The following LMAN1L variants were observed in gnomAD, a reference collection of about 807,000 sequenced individuals.
The protein encoded by LMAN1L is lectin, mannose binding 1 like.
A neutral mutation model predicts 58.3 loss-of-function variants in LMAN1L; 60 were observed. That is an observed-to-expected ratio of 1.03 (90% CI 0.84 to 1.27). The LOEUF (loss-of-function observed/expected upper bound fraction) is 1.27. Ranked by LOEUF, LMAN1L falls within the 50% of genes most tolerant of loss-of-function variation. The pLI, the probability that LMAN1L is intolerant of heterozygous loss-of-function variation, is 0.00. For missense variants in LMAN1L, 629 were observed against 674.0 expected, an observed-to-expected ratio of 0.93 and a Z score of 0.74; for synonymous variants, 280 against 271.6, an observed-to-expected ratio of 1.03 and a Z score of -0.31.
rs199936512 is a variant in LMAN1L at position 74,822,702 on chromosome 15, G to A, written c.1192G>A (p.Glu398Lys). The A allele has an allele frequency of 5.0e-6, 8 of 1,613,686 alleles. No individual in the cohort carries two copies. The highest frequency in any genetic ancestry group is 4.5e-5 in the East Asian group (2 of 44,898). The change falls in exon 11 of 14, where the codon GAG becomes AAG. Residue 398 changes from glutamate to lysine, a missense_variant. Glu to Lys is a moderately conservative substitution (Grantham distance 56). Transcript: ENST00000309664. ...GTGGACTCTGCTCCAGGCCCTGCAA[G>A]AGATGAGGTAAGGGACTGGGTGGGG... is the stretch of plus-strand genomic sequence containing the variant. ...GQWTLLQALQ[E>K]MRDAAVRMAA... is the part of the protein sequence containing the mutation.
At chr15:74,813,216 C>G (rs1053276152) in intron 1 of LMAN1L, 187 bp downstream of exon 1, 23 of 672,666 alleles carry the variant, frequency 3.4e-5, no homozygotes, top group Non-Finnish European at 4.2e-5. Context: ...CAACACCCCC[C>G]ACCCCTGCCC....
chr15:74,820,783 G>T lies in LMAN1L; in HGVS notation c.907+16G>T, dbSNP rs754655979. 1 of 1,603,560 alleles carries T rather than the reference G, an allele frequency of 6.2e-7. No individual in the cohort carries two copies. Among genetic ancestry groups the T allele is most frequent in the South Asian group, 1.1e-5 (1 of 90,066 alleles). ...CAAGGAGAAGGTAGGGACCGAGAGA[G>T]CGGGCAGGTGGCGCCCATCTGAGTG... On this transcript the variant is annotated intron_variant, in intron 8 of 13. Transcript: ENST00000309664.
In LMAN1L at chr15:74,821,232, A is replaced by G. The variant is rs2063915323; in HGVS notation, c.1059+6A>G. The G allele has an allele frequency of 6.5e-7, 1 of 1,548,832 alleles. No homozygotes were observed. ...CCAGGCCTGACGGAGGCTGGGTGAG[A>G]AGCCCTACAGGCATCCAAGGCTCCA... On this transcript the variant is annotated splice_donor_region_variant and intron_variant, in intron 9 of 13. Coordinates refer to ENST00000309664, the MANE Select transcript of LMAN1L (RefSeq NM_021819.3).
At chr15:74,817,414 G>A (rs545462538) in intron 4 of LMAN1L, among the ~76,000 whole-genome samples, 2 of 152,346 alleles carry the variant, frequency 1.3e-5, no homozygotes, top group East Asian at 1.9e-4. Flanking sequence ...CACAAACCCA[G>A]GTGGCTGCTG....
intron 5 of LMAN1L, among the ~76,000 whole-genome samples, 164 bp downstream of exon 5, chr15:74,818,981 A>G (rs2063904816): frequency 6.6e-6 from 1 of 151,992 alleles, no homozygotes; most frequent in Admixed American, 6.6e-5. Context: ...GAATCCTAAC[A>G]CTCACCCAGA....
intron 4 of LMAN1L, 33 bp downstream of exon 4, chr15:74,816,723 C>T (rs2063893026): frequency 2.5e-6 from 4 of 1,602,134 alleles, no homozygotes; most frequent in Non-Finnish European, 3.4e-6. Context: ...CACTCACCTC[C>T]ATTTTTGCAC....
chr15:74,816,047 C>G, intron 1 of LMAN1L, 110 bp from the exon 2 acceptor site: 1 of 1,323,498 alleles, frequency 7.6e-7, no homozygotes. Context: ...TAATGGTAGG[C>G]CTTGGCATTG....
intron 5 of LMAN1L, 42 bp from the exon 6 acceptor site, chr15:74,819,110 T>A: frequency 2.6e-6 from 4 of 1,564,894 alleles, no homozygotes; most frequent in Non-Finnish European, 3.5e-6. Flanking sequence ...GAGTCAGAGG[T>A]AGGGACACCC....
In LMAN1L at chr15:74,823,897, G is replaced by A. The variant is rs868709161; in HGVS notation, c.1323+215G>A. 1.2e-4 allele frequency: 68 copies of A among 588,462 alleles called. 1 individual carries two copies. In the Middle Eastern group the frequency reaches 4.1e-3, roughly 36 times the overall value. 36.5% of individuals were successfully genotyped at this position (588,462 alleles called of 1,614,324 possible). A position where few individuals can be genotyped will look rare whatever the true frequency, so the allele number is the denominator to read the frequency against. ...CTTTTCTCTGTCCTCTCTCCTCTCTGAAGAGTCCCACAGACTCAGCAGCAG... is the reference window on the plus strand; with the variant it reads ...CTTTTCTCTGTCCTCTCTCCTCTCTAAAGAGTCCCACAGACTCAGCAGCAG... On this transcript the variant is annotated intron_variant, in intron 12 of 13. Transcript: ENST00000309664.
At chr15:74,816,020 C>T (rs941420151) in intron 1 of LMAN1L, 137 bp from the exon 2 acceptor site, 1 of 1,135,812 alleles carries the variant, frequency 8.8e-7, no homozygotes, top group Non-Finnish European at 1.2e-6. Context: ...TCCTGCTTCC[C>T]TGGCTGGCCG....
At chr15:74,820,461 C>CA in intron 7 of LMAN1L, 174 bp from the exon 8 acceptor site, 1 of 828,842 alleles carries the variant, frequency 1.2e-6, no homozygotes, top group East Asian at 2.4e-5. Context: ...GAGGCCACAG[C>CA]AGGGAGGGAA....
intron 7 of LMAN1L, 141 bp downstream of exon 7, chr15:74,820,240 G>A (rs2063910203): frequency 1.3e-6 from 1 of 799,168 alleles, no homozygotes; most frequent in Non-Finnish European, 2.1e-6. Context: ...CTTGTGCAGG[G>A]CAGTGCTGCG....
At chr15:74,823,509 G>A in intron 11 of LMAN1L, 50 bp from the exon 12 acceptor site, 1 of 1,604,118 alleles carries the variant, frequency 6.2e-7, no homozygotes, top group Non-Finnish European at 8.5e-7. Context: ...CATCTGGGTG[G>A]AAGCAGAAGA....
In LMAN1L at chr15:74,825,571, G is replaced by A; in HGVS notation, c.1547G>A (p.Arg516Lys). ...PHTPRALGIL[R>K]RQPLPASMPA Reference sequence around the variant, plus strand: ...ACCCCCAGGGCCCTGGGGATTCTGAGGAGGCAGCCTCTCCCTGCCAGCATG... The same window carrying A: ...ACCCCCAGGGCCCTGGGGATTCTGAAGAGGCAGCCTCTCCCTGCCAGCATG... The change falls in exon 14 of 14, where the codon AGG (arginine) becomes AAG (lysine). Residue 516 changes from arginine to lysine, a missense_variant. This residue lies in a region of LMAN1L where 53 missense variants were observed against 59.7 expected (regional missense o/e 0.89). Transcript: ENST00000309664. The A allele has an allele frequency of 6.2e-7, 1 of 1,612,834 alleles. No individual in the cohort carries two copies. Among genetic ancestry groups the A allele is most frequent in the Non-Finnish European group, 8.5e-7 (1 of 1,179,228 alleles).
At chr15:74,816,085 G>A (rs1289739495) in intron 1 of LMAN1L, 72 bp from the exon 2 acceptor site, 11 of 1,488,944 alleles carry the variant, frequency 7.4e-6, no homozygotes, top group African/African-American at 2.8e-5. Flanking sequence ...AGCCCAGCCC[G>A]GGCCAAGTGA....
intron 1 of LMAN1L, chr15:74,813,618 A>G: frequency 2.7e-6 from 1 of 376,306 alleles, no homozygotes; most frequent in Non-Finnish European, 5.3e-6. Context: ...ATCTTGTTCA[A>G]AAAAGGGTTT....
Position 74,822,682 on chromosome 15 carries a change from C to T in LMAN1L, c.1172C>T (p.Thr391Ile). The part of the protein sequence containing the change: ...KVGALLHGQW[T>I]LLQALQEMRD... ...GGTGCCCTGCTCCATGGACAGTGGA[C>T]TCTGCTCCAGGCCCTGCAAGAGATG... is the stretch of plus-strand genomic sequence containing the variant. The change falls in exon 11 of 14, where the codon ACT (threonine) becomes ATT (isoleucine). Residue 391 changes from threonine to isoleucine, a missense_variant. By Grantham distance (89) the Thr-to-Ile change is moderately conservative. This residue lies in a region of LMAN1L where 573 missense variants were observed against 597.3 expected (regional missense o/e 0.96). Transcript: ENST00000309664. 6.2e-7 allele frequency: 1 copy of T among 1,614,060 alleles called. No homozygotes were observed. Among genetic ancestry groups the T allele is most frequent in the African/African-American group, 1.3e-5 (1 of 75,032 alleles).
intron 6 of LMAN1L, 157 bp from the exon 7 acceptor site, chr15:74,819,887 C>A: frequency 1.4e-6 from 1 of 712,462 alleles, no homozygotes. Flanking sequence ...TGTCAACCCT[C>A]ACACCTTTCC....
chr15:74,824,808 A>G, intron 13 of LMAN1L: 1 of 233,398 alleles, frequency 4.3e-6, no homozygotes, highest in Non-Finnish European at 8.3e-6. Flanking sequence ...TTAGGGAATC[A>G]ACCTGGAAGG....
Sources: allele counts gnomAD v4.1 joint callset (sites outside exome capture counted in the v4.1 genomes callset), GRCh38; gene constraint gnomAD v4.1.1; regional missense constraint gnomAD v4.1.1; transcripts MANE v1.5; gene names NCBI Gene and HGNC (gene_info 2026-07-23, HGNC 2026-07-21).